The following CCDC7 variants were observed in gnomAD, a reference collection of about 807,000 sequenced individuals.
CCDC7 encodes coiled-coil domain containing 7, also known as coiled-coil domain-containing protein 7.
CCDC7 carries 183 observed loss-of-function variants against 196.9 expected under a neutral mutation model. The ratio of observed to expected loss-of-function variants is 0.93; its 90% CI spans 0.82 to 1.05. The LOEUF (loss-of-function observed/expected upper bound fraction) is 1.05, where lower values mean the gene tolerates loss of function less well. Ranked by LOEUF, CCDC7 falls within the 50% of genes least tolerant of loss-of-function variation. CCDC7 has a pLI of 0.00. For synonymous variants in CCDC7, 525 were observed against 484.6 expected (o/e 1.08, Z -1.10); for missense variants, 1,540 against 1,482.2 (o/e 1.04, Z -0.64).
At chr10:32,718,536 G>T (rs1312295286) in intron 25 of CCDC7, among the ~76,000 whole-genome samples, 2 of 150,022 alleles carry the variant, frequency 1.3e-5, no homozygotes, top group Non-Finnish European at 1.5e-5. Flanking sequence ...AATTAGGGAA[G>T]AGAAAAAAAT....
rs140273887 is a variant in CCDC7 at position 32,633,736 on chromosome 10, A to ATG, written c.1802-517_1802-516insGT. ...TGTGTGTGTGTGTGTGTGTGTATAT[A>ATG]TATGTGTGTGTGTGTGTATATATAT... On this transcript the variant is annotated intron_variant, in intron 18 of 41. Transcript: ENST00000639629. Among the ~76,000 whole-genome samples, 112 of 127,980 alleles carry ATG rather than the reference A, an allele frequency of 8.8e-4. 1 individual carries two copies. Among genetic ancestry groups the ATG allele is most frequent in the Middle Eastern group, 7.9e-3 (2 of 254 alleles). The allele number at this position is 127,980 out of a possible 152,430, so 84.0% of individuals were successfully genotyped here. A position where few individuals can be genotyped will look rare whatever the true frequency, so the allele number is the denominator to read the frequency against.
chr10:32,721,567 T>C (rs1232401482), intron 25 of CCDC7, among the ~76,000 whole-genome samples: 1 of 152,124 alleles, frequency 6.6e-6, no homozygotes, highest in African/African-American at 2.4e-5. Flanking sequence ...GTGATGTGAA[T>C]GTACTAGTAG....
At chr10:32,499,278 A>G (rs2043465993) in intron 9 of CCDC7, 1 of 152,128 alleles carries the variant, frequency 6.6e-6, no homozygotes, top group African/African-American at 2.4e-5. Flanking sequence ...TACATAGGGA[A>G]TTGGGAACTT....
chr10:32,847,328 G>C (rs757277908), intron 37 of CCDC7, among the ~76,000 whole-genome samples: 2 of 152,060 alleles, frequency 1.3e-5, no homozygotes, highest in Non-Finnish European at 2.9e-5. Flanking sequence ...AACATGCAAA[G>C]AAACAGTGAA....
chr10:32,506,612 G>A (rs1191704547), intron 9 of CCDC7, among the ~76,000 whole-genome samples: 1 of 152,226 alleles, frequency 6.6e-6, no homozygotes. Flanking sequence ...AGCACCTCGG[G>A]AGGCCGAGGG....
At chr10:32,807,167 A>G (rs2086007724) in intron 30 of CCDC7, among the ~76,000 whole-genome samples, 1 of 152,306 alleles carries the variant, frequency 6.6e-6, no homozygotes, top group Non-Finnish European at 1.5e-5. Context: ...ACTAACTTGA[A>G]CCCATAAAAC....
At chr10:32,639,148 G>A (rs947184726) in intron 20 of CCDC7, among the ~76,000 whole-genome samples, 23 of 151,832 alleles carry the variant, frequency 1.5e-4, no homozygotes, top group Middle Eastern at 3.4e-3. Flanking sequence ...TTGCTCTAGC[G>A]GTCTATCAAT....
At chr10:32,728,636 T>C (rs2083460394) in intron 26 of CCDC7, among the ~76,000 whole-genome samples, 1 of 152,204 alleles carries the variant, frequency 6.6e-6, no homozygotes, top group South Asian at 2.1e-4. Flanking sequence ...ATTATGTAAG[T>C]ATTTTGATTA....
chr10:32,765,855 A>G (rs1180959025), intron 28 of CCDC7, among the ~76,000 whole-genome samples: 2 of 152,066 alleles, frequency 1.3e-5, no homozygotes, highest in African/African-American at 2.4e-5. Context: ...GCATGCAAAT[A>G]TTGATCTGGA....
chr10:32,670,182 A>G (rs1054782524), intron 21 of CCDC7, among the ~76,000 whole-genome samples: 5 of 152,080 alleles, frequency 3.3e-5, no homozygotes, highest in Admixed American at 6.6e-5. Flanking sequence ...TTTATAATGA[A>G]GACAATGCAA....
At chr10:32,838,422 C>T (rs2092767224) in intron 33 of CCDC7, among the ~76,000 whole-genome samples, 1 of 151,948 alleles carries the variant, frequency 6.6e-6, no homozygotes, top group African/African-American at 2.4e-5. Flanking sequence ...TTGAATTAAT[C>T]CATCAAACAC....
chr10:32,769,577 A>G (rs1002739889), intron 28 of CCDC7, among the ~76,000 whole-genome samples: 11 of 152,172 alleles, frequency 7.2e-5, no homozygotes, highest in African/African-American at 2.2e-4. Context: ...GGTTTGCTGC[A>G]CCCATCAACC....
chr10:32,457,581 T>C (rs902557950), intron 3 of CCDC7, among the ~76,000 whole-genome samples: 1 of 152,230 alleles, frequency 6.6e-6, no homozygotes, highest in African/African-American at 2.4e-5. Context: ...GGTAGTTCTA[T>C]TGGTAGTTTT....
chr10:32,490,793 G>A (rs1360147690), intron 8 of CCDC7, among the ~76,000 whole-genome samples: 1 of 150,592 alleles, frequency 6.6e-6, no homozygotes, highest in East Asian at 1.9e-4. Flanking sequence ...GCGAGACTCC[G>A]CCTCAAAAAA....
intron 29 of CCDC7, among the ~76,000 whole-genome samples, chr10:32,786,503 G>A (rs1300796726): frequency 6.6e-6 from 1 of 152,248 alleles, no homozygotes; most frequent in Admixed American, 6.5e-5. Flanking sequence ...GCTTATGCCT[G>A]TGATCCTAGC....
At chr10:32,710,590 G>T (rs1250836490) in intron 24 of CCDC7, among the ~76,000 whole-genome samples, 2 of 152,218 alleles carry the variant, frequency 1.3e-5, no homozygotes, top group African/African-American at 2.4e-5. Context: ...TTCTCTGAGA[G>T]TGCCCCATGG....
intron 20 of CCDC7, among the ~76,000 whole-genome samples, chr10:32,648,132 GGC>G (rs1250320152): frequency 6.7e-6 from 1 of 150,180 alleles, no homozygotes; most frequent in Non-Finnish European, 1.5e-5. Flanking sequence ...AATATCAGAT[GGC>G]TGTAGGTGTG....
At chr10:32,835,037 A>G in intron 33 of CCDC7, 139 bp downstream of exon 34, 3 of 487,012 alleles carry the variant, frequency 6.2e-6, no homozygotes, top group Non-Finnish European at 1.1e-5. Context: ...TAATTTGTGG[A>G]ACTCTAGTAT....
intron 40 of CCDC7, among the ~76,000 whole-genome samples, chr10:32,852,522 G>C (rs529890105): frequency 6.6e-6 from 1 of 151,802 alleles, no homozygotes; most frequent in Non-Finnish European, 1.5e-5. Context: ...TTGCTCTGTC[G>C]CCCAGGCTGG....
Sources: gnomAD v4.1 joint callset for allele counts (sites outside exome capture counted in the v4.1 genomes callset) on GRCh38, gnomAD v4.1.1 for gene constraint, MANE v1.5 for transcripts, NCBI Gene and HGNC (gene_info 2026-07-23, HGNC 2026-07-21) for gene names.